The following ARHGEF10 variants were observed in gnomAD, a reference collection of about 807,000 sequenced individuals.
The protein encoded by ARHGEF10 is Rho guanine nucleotide exchange factor 10.
A neutral mutation model predicts 147.4 loss-of-function variants in ARHGEF10; 140 were observed. The observed-to-expected ratio is 0.95, with a 90% confidence interval of 0.83 to 1.09. The LOEUF (loss-of-function observed/expected upper bound fraction) is 1.09. Ranked by LOEUF, ARHGEF10 falls within the 50% of genes least tolerant of loss-of-function variation. The pLI is 0.00. For synonymous variants in ARHGEF10, 902 were observed against 695.8 expected (o/e 1.30, Z -4.67); for missense variants, 2,222 against 1,752.7 (o/e 1.27, Z -4.78).
intron 7 of ARHGEF10, 63 bp downstream of exon 7, chr8:1,869,313 C>T (rs762731858): frequency 1.4e-6 from 2 of 1,404,444 alleles, no homozygotes; most frequent in Admixed American, 1.7e-5. Context: ...CTCTGGATGC[C>T]AAAGTGACTA....
intron 15 of ARHGEF10, among the ~76,000 whole-genome samples, chr8:1,900,263 G>A (rs1810345378): frequency 2.6e-5 from 4 of 152,130 alleles, no homozygotes; most frequent in Admixed American, 2.6e-4. Flanking sequence ...AACGGAACAG[G>A]ACAGAGAACC....
chr8:1,859,138 C>A (rs76742153), intron 3 of ARHGEF10, among the ~76,000 whole-genome samples: 27 of 139,916 alleles, frequency 1.9e-4, no homozygotes, highest in East Asian at 4.4e-4. Context: ...GCGCAGCACG[C>A]GCCTCTCTGC....
At position 1,823,975 on chromosome 8, in the gene ARHGEF10, C is replaced by T. The variant is rs1292608044; in HGVS notation, c.-186C>T. On this transcript the variant is annotated 5_prime_UTR_variant, in exon 1 of 29. The change creates a new upstream start codon in the 5' untranslated region. Transcript: ENST00000349830. ...CGGCGGGCGCGCGATCCGGGACGGACGGGGTCGCGGGGGACGCGGGGGACG... is the reference window on the plus strand; with the variant it reads ...CGGCGGGCGCGCGATCCGGGACGGATGGGGTCGCGGGGGACGCGGGGGACG... 1.1e-5 allele frequency: 1 copy of T among 93,786 alleles called. No individual in the cohort carries two copies. The highest frequency in any genetic ancestry group is 2.1e-5 in the Non-Finnish European group (1 of 48,716). The allele number at this position is 93,786 out of a possible 1,614,324, so 5.8% of individuals were successfully genotyped here. A position where few individuals can be genotyped will look rare whatever the true frequency, so the allele number is the denominator to read the frequency against.
chr8:1,825,346 C>T (rs1802701025), intron 1 of ARHGEF10, among the ~76,000 whole-genome samples: 1 of 43,006 alleles, frequency 2.3e-5, no homozygotes, highest in African/African-American at 1.2e-4. Flanking sequence ...CGCACCCCAC[C>T]TCTCTCCCTG....
intron 2 of ARHGEF10, among the ~76,000 whole-genome samples, chr8:1,853,614 C>T (rs1248357895): frequency 2.0e-5 from 3 of 152,250 alleles, no homozygotes; most frequent in Non-Finnish European, 4.4e-5. Context: ...CCGACCCAGC[C>T]CAGCTTGCCT....
intron 15 of ARHGEF10, among the ~76,000 whole-genome samples, chr8:1,901,251 G>A (rs1486970407): frequency 6.6e-6 from 1 of 152,174 alleles, no homozygotes. Context: ...TGTGCTGAGT[G>A]TAGGTGGATG....
intron 2 of ARHGEF10, among the ~76,000 whole-genome samples, chr8:1,854,037 G>A (rs1805359053): frequency 6.6e-6 from 1 of 152,232 alleles, no homozygotes; most frequent in South Asian, 2.1e-4. Flanking sequence ...GAACCTGTCA[G>A]GGCTGGTGTC....
At chr8:1,897,781 G>A (rs1010287486) in intron 14 of ARHGEF10, among the ~76,000 whole-genome samples, 2 of 152,184 alleles carry the variant, frequency 1.3e-5, no homozygotes, top group South Asian at 2.1e-4. Context: ...AGCCGTGGCC[G>A]TGACCGCAGT....
intron 26 of ARHGEF10, among the ~76,000 whole-genome samples, chr8:1,942,845 A>C (rs575399695): frequency 9.5e-5 from 14 of 147,620 alleles, no homozygotes; most frequent in Non-Finnish European, 2.0e-4. Flanking sequence ...AAGGCCGAAC[A>C]TTGTAGGATT....
intron 2 of ARHGEF10, among the ~76,000 whole-genome samples, chr8:1,844,465 T>TCACCGGGGCCTGGTGGATGACAGAGACGG (rs1329433075): frequency 2.6e-5 from 4 of 151,356 alleles, no homozygotes; most frequent in Non-Finnish European, 4.4e-5. Context: ...AATCCAGGGG[T>TCACCGGGGCCTGGTGGATGACAGAGACGG]GAGCAGTGGC....
rs75501525 is a variant in ARHGEF10, at chr8:1,900,576, G to A, written c.1650+2051G>A. Among the ~76,000 whole-genome samples, 328 of 152,252 alleles carry A rather than the reference G, an allele frequency of 2.2e-3. 8 individuals carry two copies. In the East Asian group the frequency reaches 0.048, roughly 22 times the overall value. The stretch of plus-strand genomic sequence containing the variant: ...TGGAACACTGCAGACGTGCGCTGTC[G>A]GACGGGCATGGCCTGCCTGTTACAC... On this transcript the variant is annotated intron_variant, in intron 15 of 28. Transcript: ENST00000349830.
chr8:1,935,621 A>G (rs1029439467), intron 26 of ARHGEF10, among the ~76,000 whole-genome samples: 1 of 152,206 alleles, frequency 6.6e-6, no homozygotes, highest in Non-Finnish European at 1.5e-5. Flanking sequence ...GTTACCAGTT[A>G]GCACTGGGGC....
At chr8:1,849,450 G>C (rs1427983728) in intron 2 of ARHGEF10, among the ~76,000 whole-genome samples, 99 of 147,698 alleles carry the variant, frequency 6.7e-4, no homozygotes, top group Middle Eastern at 3.8e-3. Flanking sequence ...AGGGCGTGGG[G>C]CGGCCACATG....
chr8:1,881,450 G>A (rs1462659377), intron 9 of ARHGEF10, among the ~76,000 whole-genome samples: 4 of 152,228 alleles, frequency 2.6e-5, no homozygotes, highest in East Asian at 1.9e-4. Flanking sequence ...ACGCGCAGGC[G>A]GGCAGGGCTG....
Position 1,928,438 on chromosome 8 carries a change from C to T in ARHGEF10, c.2709C>T (p.Cys903=), listed in dbSNP as rs149640798. The stretch of plus-strand genomic sequence containing the variant: ...ATTCTCTGATTCAGATCGGAAGTTG[C>T]ACCCATCAAATGGGTCAGATTGCCA... The part of the protein sequence containing the change: ...TAHGFLWIGS[C]THQMGQIAIV... Residue 903 remains cysteine, a synonymous_variant, in exon 24 of 29, where the codon TGC becomes TGT. Transcript: ENST00000349830. The T allele has an allele frequency of 1.2e-6, 2 of 1,612,708 alleles. No homozygotes were observed. The highest frequency in any genetic ancestry group is 2.2e-5 in the South Asian group (2 of 91,074).
At chr8:1,897,605 T>C (rs11775174) in intron 14 of ARHGEF10, among the ~76,000 whole-genome samples, 3,207 of 129,594 alleles carry the variant, frequency 0.025, 49 homozygotes, top group South Asian at 0.062. Flanking sequence ...CTCTCGACAG[T>C]TGTGGGCTCT....
intron 27 of ARHGEF10, among the ~76,000 whole-genome samples, chr8:1,950,772 G>T (rs567537073): frequency 8.7e-6 from 1 of 115,484 alleles, no homozygotes; most frequent in Non-Finnish European, 1.7e-5. Context: ...TAGGGATGGG[G>T]TTTCACTATG....
intron 7 of ARHGEF10, among the ~76,000 whole-genome samples, chr8:1,874,079 G>C (rs193125741): frequency 1.3e-5 from 2 of 152,324 alleles, no homozygotes; most frequent in East Asian, 3.9e-4. Flanking sequence ...ACACATGCCA[G>C]GGTGACTGGA....
chr8:1,933,237 A>T (rs968528857), intron 25 of ARHGEF10, among the ~76,000 whole-genome samples: 2 of 152,154 alleles, frequency 1.3e-5, no homozygotes, highest in African/African-American at 4.8e-5. Context: ...TCTCTTCGTG[A>T]TGCAGTATAG....
Sources: gnomAD v4.1 joint callset for allele counts (sites outside exome capture counted in the v4.1 genomes callset) on GRCh38, gnomAD v4.1.1 for gene constraint, MANE v1.5 for transcripts, NCBI Gene and HGNC (gene_info 2026-07-23, HGNC 2026-07-21) for gene names.